Variants in POTEG observed in about 807,000 individuals in gnomAD.
POTEG encodes the protein POTE ankyrin domain family member G.
In POTEG, 2 loss-of-function variants were observed where a neutral mutation model predicts 49.6. That is an observed-to-expected ratio of 0.04 (90% CI 0.02 to 0.13). POTEG has a LOEUF of 0.13. Ranked by LOEUF, POTEG falls within the 10% of genes least tolerant of loss-of-function variation. The pLI is 1.00. For missense variants in POTEG, 26 were observed against 545.2 expected (o/e 0.05, Z 9.48); for synonymous variants, 7 against 186.6 (o/e 0.04, Z 7.84).
chr14:19,432,412 A>G (rs1385160119), intron 1 of POTEG, among the ~76,000 whole-genome samples: 11 of 90,296 alleles, frequency 1.2e-4, no homozygotes, highest in South Asian at 1.1e-3. Flanking sequence ...ATACACACAC[A>G]TGTATATATA....
chr14:19,416,083 A>G (rs1345436359), intron 7 of POTEG, among the ~76,000 whole-genome samples: 1 of 147,446 alleles, frequency 6.8e-6, no homozygotes, highest in Non-Finnish European at 1.5e-5. Context: ...TGACCTCATG[A>G]TCCGCCCACC....
At chr14:19,433,098 T>A (rs1313408539) in intron 1 of POTEG, among the ~76,000 whole-genome samples, 5 of 143,638 alleles carry the variant, frequency 3.5e-5, no homozygotes, top group African/African-American at 1.1e-4. Context: ...CTAATTTTTT[T>A]TATATTTTTT....
intron 6 of POTEG, among the ~76,000 whole-genome samples, chr14:19,420,670 C>A (rs1372020010): frequency 1.3e-5 from 2 of 148,204 alleles, no homozygotes; most frequent in Admixed American, 1.4e-4. Context: ...TGTCCTCATA[C>A]AGTTTGGACT....
intron 4 of POTEG, chr14:19,424,616 A>C (rs570653742): frequency 0.013 from 1,219 of 93,072 alleles, 213 homozygotes; most frequent in African/African-American, 0.07. Context: ...TGAAGATTTC[A>C]TCACAGCTTC....
intron 7 of POTEG, among the ~76,000 whole-genome samples, chr14:19,415,196 G>C (rs1883504707): frequency 7.0e-6 from 1 of 143,322 alleles, no homozygotes; most frequent in African/African-American, 2.5e-5. Flanking sequence ...TAGATTATCT[G>C]CTTAAGTCCA....
chr14:19,432,364 T>TGTG (rs1884166719), intron 1 of POTEG, among the ~76,000 whole-genome samples: 4 of 42,950 alleles, frequency 9.3e-5, no homozygotes, highest in Non-Finnish European at 1.7e-4. Flanking sequence ...AAAAGAAATT[T>TGTG]TGTATATATA....
At chr14:19,424,480 A>C (rs1429980019) in intron 4 of POTEG, 178 bp from the exon 5 acceptor site, 1 of 350,518 alleles carries the variant, frequency 2.9e-6, no homozygotes, top group Non-Finnish European at 4.1e-6. Flanking sequence ...GGTTAAAAGG[A>C]AGGGACAAAA....
rs1884238495 is a variant in POTEG at position 19,433,323 on chromosome 14, A to G, written c.521+446T>C. 1.7e-5 allele frequency among the ~76,000 whole-genome samples: 2 copies of G among 116,000 alleles called. 1 individual carries two copies. The highest frequency in any genetic ancestry group is 6.3e-4 in the South Asian group (2 of 3,176). 76.1% of individuals were successfully genotyped at this position (116,000 alleles called of 152,430 possible). On this transcript the variant is annotated intron_variant, in intron 1 of 10. Transcript: ENST00000547848. ...TCTAAGTAATCTTCTAAGATTACTC[A>G]GTAAAGAACATATTTACATAGTGTA...
chr14:19,431,598 CTT>C (rs1198668290), intron 1 of POTEG, among the ~76,000 whole-genome samples: 1 of 89,608 alleles, frequency 1.1e-5, no homozygotes, highest in African/African-American at 5.1e-5. Flanking sequence ...TATTTCATTC[CTT>C]TTGTTTGTTT....
At chr14:19,406,618 C>A in intron 9 of POTEG, among the ~76,000 whole-genome samples, 1 of 69,884 alleles carries the variant, frequency 1.4e-5, no homozygotes, top group African/African-American at 4.7e-5. Flanking sequence ...TTCAGCACAA[C>A]AAAAGAAATA....
chr14:19,415,537 T>C (rs1883520934), intron 7 of POTEG, among the ~76,000 whole-genome samples: 1 of 149,132 alleles, frequency 6.7e-6, no homozygotes, highest in African/African-American at 2.4e-5. Context: ...TGTTCATAAT[T>C]CTATTGCTTA....
At chr14:19,432,382 A>G (rs1315080563) in intron 1 of POTEG, among the ~76,000 whole-genome samples, 2 of 82,292 alleles carry the variant, frequency 2.4e-5, no homozygotes, top group East Asian at 5.4e-4. Flanking sequence ...ATATATATAT[A>G]TATATATATA....
chr14:19,426,446 A>C (rs1355231565), intron 3 of POTEG, among the ~76,000 whole-genome samples: 3 of 152,006 alleles, frequency 2.0e-5, no homozygotes. Context: ...AAAACAGTTT[A>C]GAATTTGCTT....
chr14:19,424,962 CTT>C (rs1317470714), intron 4 of POTEG: 2 of 112,732 alleles, frequency 1.8e-5, no homozygotes, highest in African/African-American at 7.4e-5. Context: ...ACTTTTTTCT[CTT>C]TATCACCCAC....
chr14:19,415,870 G>C (rs1206511704), intron 7 of POTEG, among the ~76,000 whole-genome samples: 17 of 100,258 alleles, frequency 1.7e-4, no homozygotes, highest in Admixed American at 1.2e-3. Context: ...TTTTGACACA[G>C]AGTCTTGCTC....
intron 7 of POTEG, among the ~76,000 whole-genome samples, chr14:19,415,019 C>G (rs1408439953): frequency 1.4e-5 from 2 of 144,592 alleles, no homozygotes; most frequent in African/African-American, 2.5e-5. Context: ...GAAACCCTAA[C>G]TAGTGAGCCC....
At chr14:19,432,366 G>A (rs61971028) in intron 1 of POTEG, among the ~76,000 whole-genome samples, 356 of 37,640 alleles carry the variant, frequency 9.5e-3, no homozygotes, top group African/African-American at 0.013. Context: ...AAGAAATTTT[G>A]TATATATATA....
In POTEG at chr14:19,432,374, A is replaced by G. The variant is rs1365394785; in HGVS notation, c.521+1395T>C. On this transcript the variant is annotated intron_variant, in intron 1 of 10. Transcript: ENST00000547848. The stretch of plus-strand genomic sequence containing the variant: ...AAAAAAAAAGAAATTTTGTATATAT[A>G]TATATATATATATATATATATATAT... 1.5e-3 allele frequency among the ~76,000 whole-genome samples: 117 copies of G among 76,536 alleles called. 3 individuals are homozygous for G. The highest frequency in any genetic ancestry group is 1.7e-3 in the Non-Finnish European group (59 of 34,654). 50.2% of individuals were successfully genotyped at this position (76,536 alleles called of 152,430 possible). A position where few individuals can be genotyped will look rare whatever the true frequency, so the allele number is the denominator to read the frequency against.
At chr14:19,415,239 GTAGA>G (rs1883506780) in intron 7 of POTEG, among the ~76,000 whole-genome samples, 1 of 142,406 alleles carries the variant, frequency 7.0e-6, no homozygotes, top group Non-Finnish European at 1.6e-5. Flanking sequence ...ACTAATGACA[GTAGA>G]TAAAAATTTT....
Sources: allele counts gnomAD v4.1 joint callset (sites outside exome capture counted in the v4.1 genomes callset), GRCh38; gene constraint gnomAD v4.1.1; transcripts MANE v1.5; gene names NCBI Gene and HGNC (gene_info 2026-07-23, HGNC 2026-07-21).